CERS3: variants seen among roughly 807,000 people sequenced by gnomAD.
CERS3 encodes LAG1 homolog, ceramide synthase 3.
Under a neutral mutation model 50.3 loss-of-function variants are expected in CERS3, and 33 were observed. That is an observed-to-expected ratio of 0.66 (90% CI 0.50 to 0.88). The LOEUF is 0.88. Among genes scored for constraint, CERS3 ranks in the 40% least tolerant of loss-of-function variants. CERS3 has a pLI of 0.00. For synonymous variants in CERS3, 176 were observed against 155.2 expected (o/e 1.13, Z -0.99); for missense variants, 470 against 460.3 (o/e 1.02, Z -0.19).
intron 1 of CERS3, among the ~76,000 whole-genome samples, chr15:100,538,856 C>T (rs2037134511): frequency 6.6e-6 from 1 of 152,220 alleles, no homozygotes; most frequent in Admixed American, 6.5e-5. Flanking sequence ...CATCAAGCTG[C>T]AAATTTTCTG....
chr15:100,516,681 T>G (rs2036499601), intron 2 of CERS3, among the ~76,000 whole-genome samples: 1 of 152,230 alleles, frequency 6.6e-6, no homozygotes, highest in Admixed American at 6.5e-5. Context: ...CCTCCCCCAT[T>G]GTGTTCTCAT....
intron 11 of CERS3, among the ~76,000 whole-genome samples, chr15:100,453,045 T>C (rs2034230570): frequency 6.6e-6 from 1 of 152,046 alleles, no homozygotes; most frequent in Non-Finnish European, 1.5e-5. Flanking sequence ...CAGATAGCTG[T>C]ATTGCTAAAT....
chr15:100,477,250 T>C (rs2035158644), intron 7 of CERS3, among the ~76,000 whole-genome samples: 1 of 152,198 alleles, frequency 6.6e-6, no homozygotes, highest in Non-Finnish European at 1.5e-5. Flanking sequence ...CAGAAGATGA[T>C]AGGCCTGGGG....
chr15:100,424,879 T>A (rs1448145549), intron 11 of CERS3, among the ~76,000 whole-genome samples: 1 of 152,182 alleles, frequency 6.6e-6, no homozygotes, highest in Non-Finnish European at 1.5e-5. Flanking sequence ...GAGCTAAATG[T>A]TAATAGCCAA....
rs139510931 is a variant in CERS3 at position 100,486,108 on chromosome 15, G to A, written c.289-1440C>T. On this transcript the variant is annotated intron_variant, in intron 4 of 11. Transcript: ENST00000679737. ...CAGGATTTTGATGAGAAATCACTAG[G>A]TTTTTAAAAATGTTGACCAATCCCT... 2.0e-5 allele frequency among the ~76,000 whole-genome samples: 3 copies of A among 152,250 alleles called. No homozygotes were observed. In the East Asian group the frequency reaches 5.8e-4, roughly 29 times the overall value.
chr15:100,445,618 A>G (rs1170087655), intron 11 of CERS3, among the ~76,000 whole-genome samples: 1 of 152,056 alleles, frequency 6.6e-6, no homozygotes, highest in Non-Finnish European at 1.5e-5. Flanking sequence ...ACCCCTTACC[A>G]CAAAATCTTC....
At chr15:100,484,406 T>C in intron 5 of CERS3, 144 bp downstream of exon 5, 1 of 618,888 alleles carries the variant, frequency 1.6e-6, no homozygotes, top group Non-Finnish European at 2.9e-6. Context: ...GGCAAATATG[T>C]GAGGAGCCTA....
At chr15:100,458,008 T>G (rs2034431738) in intron 10 of CERS3, among the ~76,000 whole-genome samples, 1 of 111,206 alleles carries the variant, frequency 9.0e-6, no homozygotes, top group Admixed American at 8.8e-5. Context: ...ATTACTGTTT[T>G]AAGGTGTACA....
intron 8 of CERS3, among the ~76,000 whole-genome samples, chr15:100,474,774 G>A (rs1158364486): frequency 6.6e-6 from 1 of 152,104 alleles, no homozygotes; most frequent in Non-Finnish European, 1.5e-5. Flanking sequence ...ACTATTTTTA[G>A]CTTCATTTTA....
intron 11 of CERS3, among the ~76,000 whole-genome samples, chr15:100,406,543 C>A (rs2031040053): frequency 6.6e-6 from 1 of 152,104 alleles, no homozygotes; most frequent in Non-Finnish European, 1.5e-5. Context: ...TTCCACAACA[C>A]CACAGAAAGG....
chr15:100,412,191 T>C (rs1251706966), intron 11 of CERS3, among the ~76,000 whole-genome samples: 4 of 152,168 alleles, frequency 2.6e-5, no homozygotes, highest in East Asian at 1.9e-4. Context: ...ATTTGCCCTA[T>C]GTTTTCTTCT....
intron 11 of CERS3, among the ~76,000 whole-genome samples, chr15:100,439,379 AG>A (rs2033576823): frequency 6.6e-6 from 1 of 152,210 alleles, no homozygotes; most frequent in Middle Eastern, 3.2e-3. Flanking sequence ...TACCCAAAAC[AG>A]GGTGGTTTGT....
intron 11 of CERS3, among the ~76,000 whole-genome samples, chr15:100,441,563 C>G (rs1247840465): frequency 1.3e-5 from 2 of 152,040 alleles, no homozygotes; most frequent in Non-Finnish European, 2.9e-5. Context: ...CCTTCTTCTC[C>G]CTTAGCCTGT....
intron 4 of CERS3, among the ~76,000 whole-genome samples, chr15:100,486,693 G>A (rs1484867284): frequency 1.3e-5 from 2 of 152,218 alleles, no homozygotes; most frequent in Admixed American, 1.3e-4. Context: ...TACACTCTGT[G>A]TGCTCAGACC....
At chr15:100,541,233 T>A (rs2037195160) in intron 1 of CERS3, among the ~76,000 whole-genome samples, 1 of 152,248 alleles carries the variant, frequency 6.6e-6, no homozygotes, top group South Asian at 2.1e-4. Flanking sequence ...TTAAGCAGTG[T>A]CCCTCAGGCG....
intron 2 of CERS3, among the ~76,000 whole-genome samples, chr15:100,513,096 C>G (rs965425527): frequency 1.3e-5 from 2 of 152,186 alleles, no homozygotes; most frequent in Non-Finnish European, 2.9e-5. Flanking sequence ...CCTTTCGAGC[C>G]AGAGCTCTCC....
chr15:100,502,559 C>A (rs1442844917), intron 2 of CERS3, among the ~76,000 whole-genome samples: 1 of 152,152 alleles, frequency 6.6e-6, no homozygotes, highest in Admixed American at 6.5e-5. Flanking sequence ...CAGGTAGGTA[C>A]AAATCATCAC....
intron 2 of CERS3, among the ~76,000 whole-genome samples, chr15:100,510,119 A>G (rs2036297162): frequency 6.6e-6 from 1 of 152,242 alleles, no homozygotes; most frequent in Middle Eastern, 3.4e-3. Context: ...GACCAAGCCC[A>G]TGGTAAATTC....
intron 11 of CERS3, among the ~76,000 whole-genome samples, chr15:100,416,450 C>A (rs1353722149): frequency 6.6e-6 from 1 of 152,204 alleles, no homozygotes; most frequent in Non-Finnish European, 1.5e-5. Context: ...TAAATATTTG[C>A]AAACTGTGTA....
Sources: allele counts gnomAD v4.1 joint callset (sites outside exome capture counted in the v4.1 genomes callset), GRCh38; gene constraint gnomAD v4.1.1; transcripts MANE v1.5; gene names NCBI Gene and HGNC (gene_info 2026-07-23, HGNC 2026-07-21).